The following OS9 variants were observed in gnomAD, a reference collection of about 807,000 sequenced individuals.
OS9 encodes the protein protein OS-9.
A neutral mutation model predicts 84.7 loss-of-function variants in OS9; 58 were observed. That is an observed-to-expected ratio of 0.68 (90% confidence interval 0.55 to 0.85). The LOEUF is 0.85. OS9 is among the 40% of genes least tolerant of loss of function. The pLI, the probability that OS9 is intolerant of heterozygous loss-of-function variation, is 0.00. For synonymous variants in OS9, 278 were observed against 320.8 expected (o/e 0.87, Z 1.43); for missense variants, 760 against 850.9 (o/e 0.89, Z 1.33).
intron 5 of OS9, among the ~76,000 whole-genome samples, chr12:57,698,351 T>C (rs1953927681): frequency 6.6e-6 from 1 of 152,228 alleles, no homozygotes; most frequent in South Asian, 2.1e-4. Flanking sequence ...GTATCTTCAG[T>C]AGGCCAAGAA....
intron 5 of OS9, among the ~76,000 whole-genome samples, chr12:57,708,491 G>C (rs1416817821): frequency 6.6e-6 from 1 of 151,968 alleles, no homozygotes; most frequent in Admixed American, 6.6e-5. Flanking sequence ...AGCCAGGTGT[G>C]GTAGTGTGTG....
intron 5 of OS9, among the ~76,000 whole-genome samples, chr12:57,709,860 A>AC (rs1226611460): frequency 6.7e-6 from 1 of 148,476 alleles, no homozygotes; most frequent in Admixed American, 6.7e-5. Flanking sequence ...TTTTGTTATT[A>AC]CTTTTTTTTT....
chr12:57,708,208 G>T (rs536398425), intron 5 of OS9, among the ~76,000 whole-genome samples: 2 of 152,096 alleles, frequency 1.3e-5, no homozygotes, highest in African/African-American at 4.8e-5. Flanking sequence ...AACACATCTT[G>T]TCCCTCATTA....
chr12:57,702,580 T>TACA (rs1954058150), intron 5 of OS9, among the ~76,000 whole-genome samples: 1 of 152,230 alleles, frequency 6.6e-6, no homozygotes, highest in Non-Finnish European at 1.5e-5. Flanking sequence ...TCAATTCTTT[T>TACA]GGGTCTGTAC....
Position 57,719,116 on chromosome 12 carries a change from C to T in OS9, c.1534C>T (p.Leu512=). The change falls in exon 12 of 15, where the codon CTG becomes TTG. Residue 512 remains leucine, a synonymous_variant. Coordinates refer to ENST00000315970, the MANE Select transcript of OS9 (RefSeq NM_006812.4). ...ACTGGAGGAAAAACAGAGTCCAGAG[C>T]TGGTGAAGAAGCACAAGAAAAAGAG... ...KRLEEKQSPE[L]VKKHKKKRVV... The T allele has an allele frequency of 1.2e-6, 2 of 1,614,154 alleles. No homozygotes were observed. The highest frequency in any genetic ancestry group is 8.5e-7 in the Non-Finnish European group (1 of 1,180,030).
At chr12:57,716,055 T>C in intron 6 of OS9, 37 bp from the exon 7 acceptor site, 1 of 1,592,996 alleles carries the variant, frequency 6.3e-7, no homozygotes, top group Non-Finnish European at 8.6e-7. Context: ...GCTGGAGGAA[T>C]GTGTTCCTGG....
intron 12 of OS9, 139 bp from the exon 13 acceptor site, chr12:57,719,960 T>C (rs758055504): frequency 2.6e-6 from 2 of 775,244 alleles, no homozygotes; most frequent in Non-Finnish European, 4.2e-6. Context: ...ACACATTTTT[T>C]TGAGCCCTGG....
At chr12:57,710,760 C>G (rs558760563) in intron 5 of OS9, among the ~76,000 whole-genome samples, 40 of 152,210 alleles carry the variant, frequency 2.6e-4, no homozygotes, top group African/African-American at 9.2e-4. Context: ...TATTTCCCAC[C>G]TGGTCATGGT....
intron 5 of OS9, among the ~76,000 whole-genome samples, chr12:57,700,452 A>C (rs1226969994): frequency 6.6e-6 from 1 of 151,798 alleles, no homozygotes; most frequent in East Asian, 2.0e-4. Flanking sequence ...TGGTGGCAGA[A>C]AGTTGAGGCC....
In OS9 at chr12:57,694,869, A is replaced by G; in HGVS notation, c.282A>G (p.Gln94=). The change falls in exon 2 of 15, where the codon CAA becomes CAG. Residue 94 remains glutamine (Q), a synonymous_variant. Transcript: ENST00000315970. The part of the protein sequence containing the change: ...REREEETPAY[Q]GPGIPELLSP... ...GGGAGGAGGAAACACCTGCTTACCAAGGGCCTGGGATCCCTGAGTTGTTGA... is the reference window on the plus strand; with the variant it reads ...GGGAGGAGGAAACACCTGCTTACCAGGGGCCTGGGATCCCTGAGTTGTTGA... The G allele has an allele frequency of 6.2e-7, 1 of 1,614,144 alleles. No individual in the cohort carries two copies. The highest frequency in any genetic ancestry group is 8.5e-7 in the Non-Finnish European group (1 of 1,180,008).
At position 57,694,246 on chromosome 12, in the gene OS9, G is replaced by A; in HGVS notation, c.85G>A (p.Gly29Arg). 6.2e-7 allele frequency: 1 copy of A among 1,614,180 alleles called. No individual in the cohort carries two copies. Among genetic ancestry groups the A allele is most frequent in the Non-Finnish European group, 8.5e-7 (1 of 1,180,028 alleles). Residue 29 changes from glycine to arginine, a missense_variant, in exon 1 of 15, where the codon GGG becomes AGG. Physicochemically the swap from Gly to Arg is moderately radical, Grantham distance 125. Transcript: ENST00000315970. ...LLPASLTGGV[G>R]SLNLEELSEM... ...ACCCGCAAGTCTGACCGGCGGTGTC[G>A]GGAGCCTGAACCTGGAGGAGCTGAG...
Position 57,715,975 on chromosome 12 carries a change from G to C in OS9, c.790+5G>C. 4 of 1,611,388 alleles carry C rather than the reference G, an allele frequency of 2.5e-6. No individual in the cohort carries two copies. Among genetic ancestry groups the C allele is most frequent in the Non-Finnish European group, 3.4e-6 (4 of 1,178,180 alleles). On this transcript the variant is annotated splice_donor_5th_base_variant and intron_variant, in intron 6 of 14. Coordinates refer to ENST00000315970, the MANE Select transcript of OS9 (RefSeq NM_006812.4). ...CCTACGTTCAGAGGCAAGCCGGTGAGTAATTAGAGAAGGAGGAGAAGACGG... is the reference window on the plus strand; with the variant it reads ...CCTACGTTCAGAGGCAAGCCGGTGACTAATTAGAGAAGGAGGAGAAGACGG...
At chr12:57,708,720 A>G (rs1455092965) in intron 5 of OS9, among the ~76,000 whole-genome samples, 2 of 151,720 alleles carry the variant, frequency 1.3e-5, no homozygotes, top group East Asian at 1.9e-4. Flanking sequence ...TTCCCTGTTG[A>G]TGGACATTTA....
At position 57,694,163 on chromosome 12, in the gene OS9, TGGC is replaced by T; in HGVS notation, c.8_10del (p.Ala3?). The T allele has an allele frequency of 6.2e-7, 1 of 1,614,122 alleles. No homozygotes were observed. Among genetic ancestry groups the T allele is most frequent in the Non-Finnish European group, 8.5e-7 (1 of 1,179,980 alleles). On this transcript the variant is annotated start_lost and inframe_deletion, in exon 1 of 15. Coordinates refer to ENST00000315970, the MANE Select transcript of OS9 (RefSeq NM_006812.4). ...TCTGCATAAGAAGGGGAACGAAAGA[TGGC>T]GGCGGAAACGCTGCTGTCCAGTTTG...
In OS9 at chr12:57,718,183, A is replaced by G. The variant is rs569850103; in HGVS notation, c.1172A>G (p.Asp391Gly). Reference sequence around the variant, plus strand: ...ATAGGCCAAGAGCAGCCTGTGGATGATGCTGCAGAAGTCCCTCAGAGGGAA... The same window carrying G: ...ATAGGCCAAGAGCAGCCTGTGGATGGTGCTGCAGAAGTCCCTCAGAGGGAA... ...PNIGQEQPVD[D>G]AAEVPQREPE... Residue 391 changes from aspartate (D) to glycine (G), a missense_variant, in exon 11 of 15, where the codon GAT becomes GGT. Asp to Gly is a moderately conservative substitution (Grantham distance 94, BLOSUM62 -1). Transcript: ENST00000315970. 1.2e-6 allele frequency: 2 copies of G among 1,614,148 alleles called. No individual in the cohort carries two copies. The highest frequency in any genetic ancestry group is 2.2e-5 in the East Asian group (1 of 44,880).
At position 57,715,871 on chromosome 12, in the gene OS9, C is replaced by T. The variant is rs769297022; in HGVS notation, c.691C>T (p.Pro231Ser). Reference sequence around the variant, plus strand: ...TCGCACTCCTCGGCTCTGCCCCCACCCTCTCCTCCGGCCCCCACCCAGTGC... The same window carrying T: ...TCGCACTCCTCGGCTCTGCCCCCACTCTCTCCTCCGGCCCCCACCCAGTGC... ...TIRTPRLCPH[P>S]LLRPPPSAAP... Residue 231 changes from proline (P) to serine (S), a missense_variant, in exon 6 of 15, where the codon CCT (proline) becomes TCT (serine). Transcript: ENST00000315970. 3.1e-6 allele frequency: 5 copies of T among 1,613,718 alleles called. No homozygotes were observed. Among genetic ancestry groups the T allele is most frequent in the Non-Finnish European group, 4.2e-6 (5 of 1,179,796 alleles).
chr12:57,715,417 TAC>T (rs151193153), intron 5 of OS9, among the ~76,000 whole-genome samples: 1 of 151,964 alleles, frequency 6.6e-6, no homozygotes, highest in African/African-American at 2.4e-5. Context: ...AGTATATATA[TAC>T]ACACACACAA....
intron 2 of OS9, 102 bp from the exon 3 acceptor site, chr12:57,695,678 G>A: frequency 1.3e-6 from 1 of 790,852 alleles, no homozygotes. Flanking sequence ...AATTGAGTGT[G>A]TAAGTAGATG....
At chr12:57,694,484 A>G (rs1313906484) in intron 1 of OS9, among the ~76,000 whole-genome samples, 161 bp downstream of exon 1, 4 of 152,090 alleles carry the variant, frequency 2.6e-5, no homozygotes, top group South Asian at 2.1e-4. Flanking sequence ...ACTGAGACCA[A>G]TTCTCTGGGG....
Sources: gnomAD v4.1 joint callset for allele counts (sites outside exome capture counted in the v4.1 genomes callset) on GRCh38, gnomAD v4.1.1 for gene constraint, MANE v1.5 for transcripts, NCBI Gene and HGNC (gene_info 2026-07-23, HGNC 2026-07-21) for gene names.